TOX: variants seen among roughly 807,000 people sequenced by gnomAD.
The protein encoded by TOX is thymocyte selection-associated high mobility group box protein TOX.
TOX carries 11 observed loss-of-function variants against 53.7 expected under a neutral mutation model. The ratio of observed to expected loss-of-function variants is 0.20; its 90% CI spans 0.13 to 0.34. The LOEUF is 0.34. TOX is among the 10% of genes least tolerant of loss of function. The pLI, the probability that TOX is intolerant of heterozygous loss-of-function variation, is 1.00. For missense variants in TOX, 570 were observed against 664.6 expected (o/e 0.86, Z 1.56); for synonymous variants, 225 against 245.3 (o/e 0.92, Z 0.77).
intron 1 of TOX, among the ~76,000 whole-genome samples, chr8:59,057,280 GA>G (rs1021288185): frequency 2.6e-5 from 4 of 151,350 alleles, no homozygotes; most frequent in South Asian, 4.2e-4. Flanking sequence ...ATATCTTGTA[GA>G]AAAAAAAATC....
chr8:58,908,264 C>T (rs758250212), intron 3 of TOX, among the ~76,000 whole-genome samples: 7 of 152,128 alleles, frequency 4.6e-5, no homozygotes, highest in African/African-American at 1.2e-4. Flanking sequence ...GGAATCTGGA[C>T]GTCAGCATTT....
intron 1 of TOX, among the ~76,000 whole-genome samples, chr8:59,011,237 A>G (rs570590607): frequency 9.8e-5 from 15 of 152,368 alleles, no homozygotes; most frequent in African/African-American, 3.1e-4. Context: ...TCTGCCACCA[A>G]TGTGATTTCA....
intron 1 of TOX, chr8:58,992,100 T>G (rs1049794454): frequency 6.6e-6 from 1 of 152,254 alleles, no homozygotes; most frequent in African/African-American, 2.4e-5. Context: ...CTGCTGGCTA[T>G]GACTTTGTAG....
chr8:58,928,429 G>T (rs955941705), intron 3 of TOX, among the ~76,000 whole-genome samples: 1 of 152,182 alleles, frequency 6.6e-6, no homozygotes, highest in African/African-American at 2.4e-5. Context: ...CTTCACCTTG[G>T]TGCAGCTACC....
chr8:58,940,119 A>AT (rs1812412268), intron 2 of TOX, among the ~76,000 whole-genome samples: 1 of 152,214 alleles, frequency 6.6e-6, no homozygotes, highest in Non-Finnish European at 1.5e-5. Flanking sequence ...ATTAAGAGCT[A>AT]TTTTTATCGC....
Position 58,866,632 on chromosome 8 carries a change from A to G in TOX, c.412-14827T>C, listed in dbSNP as rs373327231. 2.6e-5 allele frequency among the ~76,000 whole-genome samples: 4 copies of G among 152,206 alleles called. No homozygotes were observed. The East Asian group carries it at 5.8e-4, about 22-fold the overall frequency. On this transcript the variant is annotated intron_variant, in intron 3 of 8. Transcript: ENST00000361421. ...GTTAATTGGCAGAATGGCCATTTAG[A>G]ATAGAATTATAATCTTACTAACTGC...
chr8:59,082,128 A>C (rs1804420427), intron 1 of TOX, among the ~76,000 whole-genome samples: 1 of 152,162 alleles, frequency 6.6e-6, no homozygotes, highest in Non-Finnish European at 1.5e-5. Context: ...ATAAGTAGTG[A>C]TCTTTGCATT....
Position 59,118,878 on chromosome 8 carries a change from G to A in TOX, c.102+8C>T. 6.3e-7 allele frequency: 1 copy of A among 1,577,976 alleles called. No homozygotes were observed. Among genetic ancestry groups the A allele is most frequent in the Non-Finnish European group, 8.6e-7 (1 of 1,159,652 alleles). Reference sequence around the variant, plus strand: ...AGAACACGGTGGAAACAAAAGCAGAGCGTTCACCTTGTTGCAATAGTAGGG... The same window carrying A: ...AGAACACGGTGGAAACAAAAGCAGAACGTTCACCTTGTTGCAATAGTAGGG... On this transcript the variant is annotated splice_region_variant and intron_variant, in intron 1 of 8. Transcript: ENST00000361421. This position sits in a 1 kb window ranked among gnomAD's most constrained non-coding sequence, Gnocchi z 4.1.
chr8:58,813,301 T>C (rs1191402260), intron 7 of TOX, among the ~76,000 whole-genome samples: 2 of 152,200 alleles, frequency 1.3e-5, no homozygotes, highest in Non-Finnish European at 2.9e-5. Flanking sequence ...TCATCTCTGA[T>C]TGATAAATCA....
chr8:58,890,867 G>A (rs1331235610), intron 3 of TOX, among the ~76,000 whole-genome samples: 3 of 152,108 alleles, frequency 2.0e-5, no homozygotes, highest in African/African-American at 7.2e-5. Context: ...AGATCCTGGG[G>A]ATGCAGAACC....
At chr8:58,978,725 C>T (rs571968432) in intron 1 of TOX, among the ~76,000 whole-genome samples, 8 of 152,286 alleles carry the variant, frequency 5.3e-5, no homozygotes, top group South Asian at 4.1e-4. Context: ...GATGAAGCTA[C>T]ACTGATACAT....
chr8:59,001,115 G>T (rs365579), intron 1 of TOX, among the ~76,000 whole-genome samples: 142,296 of 152,246 alleles, frequency 0.93, 66,532 homozygotes, highest in East Asian at 1. Flanking sequence ...GTAAGTCTGC[G>T]AAATACCTAC....
chr8:58,819,964 C>G (rs1235396460), intron 6 of TOX, among the ~76,000 whole-genome samples: 3 of 152,152 alleles, frequency 2.0e-5, no homozygotes, highest in African/African-American at 7.2e-5. Flanking sequence ...CTTTCTGCTC[C>G]ATGCAGGTGA....
At chr8:58,905,892 T>G (rs1457900288) in intron 3 of TOX, among the ~76,000 whole-genome samples, 1 of 152,200 alleles carries the variant, frequency 6.6e-6, no homozygotes, top group African/African-American at 2.4e-5. Flanking sequence ...GTGCCAAAGA[T>G]TCTGAGCAAG....
rs1234138895 is a variant in TOX at position 58,851,824 on chromosome 8, TAAA to T, written c.412-22_412-20del. On this transcript the variant is annotated intron_variant, in intron 3 of 8. Coordinates refer to ENST00000361421, the MANE Select transcript of TOX (RefSeq NM_014729.3). The surrounding 1 kb of genome is among the most constrained non-coding windows in gnomAD (Gnocchi z 4.4). ...CTGGCATCTACAATAAATAAATAAA[TAAA>T]TAAATAAATAAATAAATAAATAGGA... 4 of 1,269,274 alleles carry T rather than the reference TAAA, an allele frequency of 3.2e-6. No homozygotes were observed. Among genetic ancestry groups the T allele is most frequent in the Non-Finnish European group, 4.0e-6 (4 of 996,838 alleles). 78.6% of individuals were successfully genotyped at this position (1,269,274 alleles called of 1,614,324 possible).
intron 1 of TOX, among the ~76,000 whole-genome samples, chr8:59,050,639 A>T (rs74881868): frequency 0.023 from 3,533 of 152,264 alleles, 119 homozygotes; most frequent in East Asian, 0.11. Context: ...AATTCCTTGT[A>T]CTAATACAAA....
At chr8:58,914,893 G>A (rs1811979836) in intron 3 of TOX, among the ~76,000 whole-genome samples, 2 of 152,084 alleles carry the variant, frequency 1.3e-5, no homozygotes, top group South Asian at 4.1e-4. Context: ...CACCTGGGAA[G>A]CGCAAGGGGT....
intron 3 of TOX, among the ~76,000 whole-genome samples, chr8:58,929,710 A>G (rs1444340166): frequency 6.6e-6 from 1 of 152,176 alleles, no homozygotes; most frequent in Non-Finnish European, 1.5e-5. Context: ...TGCATAAATC[A>G]AGCAAAAAGC....
At chr8:59,036,085 T>C (rs1814453263) in intron 1 of TOX, among the ~76,000 whole-genome samples, 1 of 152,190 alleles carries the variant, frequency 6.6e-6, no homozygotes, top group Admixed American at 6.5e-5. Flanking sequence ...CCCCTAGCAG[T>C]TGTATTCAGA....
Sources: allele counts gnomAD v4.1 joint callset (sites outside exome capture counted in the v4.1 genomes callset), GRCh38; gene constraint gnomAD v4.1.1; non-coding constraint Gnocchi (gnomAD v3.1); transcripts MANE v1.5; gene names NCBI Gene and HGNC (gene_info 2026-07-23, HGNC 2026-07-21).